ARHGEF4: variants seen among roughly 807,000 people sequenced by gnomAD.
ARHGEF4 encodes the protein APC-stimulated guanine nucleotide exchange factor 1.
Under a neutral mutation model 162.0 loss-of-function variants are expected in ARHGEF4, and 119 were observed. The ratio of observed to expected loss-of-function variants is 0.73; its 90% CI spans 0.63 to 0.86. The LOEUF is 0.86. ARHGEF4 is among the 40% of genes least tolerant of loss of function. The probability of loss-of-function intolerance (pLI) is 0.00; values close to 1 mark genes in which losing one functional copy is unlikely to be tolerated. For synonymous variants in ARHGEF4, 1,014 were observed against 979.9 expected (o/e 1.03, Z -0.65); for missense variants, 2,488 against 2,456.0 (o/e 1.01, Z -0.28).
At chr2:131,029,849 C>T (rs72863214) in intron 5 of ARHGEF4, among the ~76,000 whole-genome samples, 461 of 152,336 alleles carry the variant, frequency 3.0e-3, no homozygotes, top group Non-Finnish European at 4.7e-3. Flanking sequence ...CCACCACACT[C>T]GGCCAGTTGT....
At chr2:130,878,281 C>T (rs551023881) in intron 1 of ARHGEF4, among the ~76,000 whole-genome samples, 76 of 152,208 alleles carry the variant, frequency 5.0e-4, no homozygotes, top group African/African-American at 1.5e-3. Context: ...ATTTGGTCCA[C>T]GAATTGTAGT....
At chr2:131,039,149 G>A in intron 6 of ARHGEF4, 117 bp downstream of exon 6, 6 of 1,330,934 alleles carry the variant, frequency 4.5e-6, no homozygotes, top group Non-Finnish European at 6.0e-6. Flanking sequence ...ACTGGGTGGT[G>A]GGTGTCGGGG....
intron 4 of ARHGEF4, among the ~76,000 whole-genome samples, chr2:130,983,111 T>C (rs1382933599): frequency 6.6e-6 from 1 of 152,196 alleles, no homozygotes. Flanking sequence ...AGATTTTAAA[T>C]TACACAAAAA....
At chr2:131,045,909 G>A in intron 13 of ARHGEF4, 129 bp from the exon 14 acceptor site, 3 of 1,495,484 alleles carry the variant, frequency 2.0e-6, no homozygotes, top group Non-Finnish European at 2.7e-6. Context: ...AGCAAGTCCT[G>A]TGTGGCAAAA....
chr2:130,887,913 A>T (rs541944433), intron 1 of ARHGEF4, among the ~76,000 whole-genome samples: 1 of 152,190 alleles, frequency 6.6e-6, no homozygotes, highest in African/African-American at 2.4e-5. Context: ...TTCATAGACT[A>T]GACCTGAGTC....
At chr2:130,982,287 G>A (rs544936679) in intron 4 of ARHGEF4, among the ~76,000 whole-genome samples, 1 of 152,224 alleles carries the variant, frequency 6.6e-6, no homozygotes, top group East Asian at 1.9e-4. Flanking sequence ...ACCATGCCCG[G>A]CCTGCGTTTT....
At chr2:130,866,056 G>A (rs1682250956) in intron 1 of ARHGEF4, among the ~76,000 whole-genome samples, 1 of 152,118 alleles carries the variant, frequency 6.6e-6, no homozygotes, top group Non-Finnish European at 1.5e-5. Flanking sequence ...ACCTGAAGAG[G>A]AAAACTTTAG....
chr2:130,886,387 T>C (rs933014993), intron 1 of ARHGEF4, among the ~76,000 whole-genome samples: 2 of 151,858 alleles, frequency 1.3e-5, no homozygotes, highest in Non-Finnish European at 2.9e-5. Flanking sequence ...TTTTATAAGA[T>C]TGGATGATTT....
At chr2:130,965,430 G>C (rs954639430) in intron 4 of ARHGEF4, among the ~76,000 whole-genome samples, 2 of 152,260 alleles carry the variant, frequency 1.3e-5, no homozygotes, top group African/African-American at 4.8e-5. Context: ...GAATAATCCA[G>C]CTGTTGATGT....
At chr2:130,949,830 G>C (rs549181387) in intron 4 of ARHGEF4, among the ~76,000 whole-genome samples, 1 of 152,244 alleles carries the variant, frequency 6.6e-6, no homozygotes, top group East Asian at 1.9e-4. Context: ...TGTATTTTTA[G>C]TAGAGACAGG....
At chr2:130,967,036 G>C (rs111689375) in intron 4 of ARHGEF4, among the ~76,000 whole-genome samples, 3 of 152,168 alleles carry the variant, frequency 2.0e-5, no homozygotes, top group Non-Finnish European at 2.9e-5. Context: ...TGTGATTTTT[G>C]TGGTGGGGCC....
intron 1 of ARHGEF4, among the ~76,000 whole-genome samples, chr2:130,912,185 A>G (rs1681228553): frequency 6.6e-6 from 1 of 152,208 alleles, no homozygotes; most frequent in African/African-American, 2.4e-5. Flanking sequence ...GGGCGTGCTC[A>G]TGTCCATGTC....
chr2:131,043,704 AGACCCTTGGGGCT>A, intron 11 of ARHGEF4, 121 bp downstream of exon 11: 1 of 1,383,326 alleles, frequency 7.2e-7, no homozygotes, highest in Non-Finnish European at 9.9e-7. Flanking sequence ...GAGCCTGGCC[AGACCCTTGGGGCT>A]GGGATGGGGT....
chr2:130,998,146 A>G (rs1013755782), intron 4 of ARHGEF4, among the ~76,000 whole-genome samples: 1 of 152,186 alleles, frequency 6.6e-6, no homozygotes, highest in Admixed American at 6.5e-5. Context: ...TCTTTTTCAC[A>G]TAGTGCCATA....
chr2:130,984,545 C>T (rs775812287), intron 4 of ARHGEF4, among the ~76,000 whole-genome samples: 1 of 32,066 alleles, frequency 3.1e-5, no homozygotes, highest in Non-Finnish European at 1.2e-4. Flanking sequence ...ACAAAAATTG[C>T]CGGGTGTAGT....
chr2:130,916,324 C>G lies in ARHGEF4; in HGVS notation c.2378C>G (p.Thr793Arg), dbSNP rs928662989. The G allele has an allele frequency of 1.8e-5, 28 of 1,542,744 alleles. No homozygotes were observed. In the African/African-American group the frequency reaches 3.3e-4, roughly 18 times the overall value. ...GCGCAGGAGCCTGGGAAGCGCCCGA[C>G]GTTTTCCAAGGTGACCTCCTTCAGG... is the stretch of plus-strand genomic sequence containing the variant. ...KGAQEPGKRP[T>R]FSKVTSFRKG... Residue 793 changes from threonine (T) to arginine (R), a missense_variant, in exon 2 of 14, where the codon ACG becomes AGG. By Grantham distance (71) the Thr-to-Arg change is moderately conservative. Around this residue, in one of 6 missense-constraint regions of ARHGEF4, gnomAD observed 1,642 missense variants for 1,481.5 expected, o/e 1.11. Coordinates refer to ENST00000409359, the MANE Select transcript of ARHGEF4 (RefSeq NM_001367493.1).
chr2:131,044,562 C>T lies in ARHGEF4; in HGVS notation c.5401+20C>T, dbSNP rs929968817. The T allele has an allele frequency of 8.4e-6, 13 of 1,542,008 alleles. No individual in the cohort carries two copies. In the African/African-American group the frequency reaches 1.1e-4, roughly 13 times the overall value. On this transcript the variant is annotated intron_variant, in intron 12 of 13. Transcript: ENST00000409359. ...AGACAGGTTCGAGACCCTGCTGGGCCTTGCCCCGCCCCCAGGGCCCACCCG... is the reference window on the plus strand; with the variant it reads ...AGACAGGTTCGAGACCCTGCTGGGCTTTGCCCCGCCCCCAGGGCCCACCCG...
At chr2:130,854,894 G>A (rs1681661804) in intron 1 of ARHGEF4, among the ~76,000 whole-genome samples, 1 of 100,518 alleles carries the variant, frequency 9.9e-6, no homozygotes, top group South Asian at 3.2e-4. Context: ...TTATTTTCGA[G>A]ACAGAGTCTC....
intron 5 of ARHGEF4, among the ~76,000 whole-genome samples, chr2:131,031,556 A>G (rs1469163902): frequency 6.6e-6 from 1 of 152,208 alleles, no homozygotes; most frequent in African/African-American, 2.4e-5. Context: ...GGGCCCCTGC[A>G]TTGTCCCATA....
Sources: allele counts gnomAD v4.1 joint callset (sites outside exome capture counted in the v4.1 genomes callset), GRCh38; gene constraint gnomAD v4.1.1; regional missense constraint gnomAD v4.1.1; transcripts MANE v1.5; gene names NCBI Gene and HGNC (gene_info 2026-07-23, HGNC 2026-07-21).